Variants in SPTA1 observed in about 807,000 individuals in gnomAD.
SPTA1 encodes the protein spectrin alpha, erythrocytic 1.
In SPTA1, 177 loss-of-function variants were observed where a neutral mutation model predicts 324.7. The ratio of observed to expected loss-of-function variants is 0.55; its 90% CI spans 0.48 to 0.62. The LOEUF is 0.62. SPTA1 is among the 20% of genes least tolerant of loss of function. The pLI is 0.00. For synonymous variants in SPTA1, 1,195 were observed against 1,041.3 expected (o/e 1.15, Z -2.84); for missense variants, 3,162 against 2,883.6 (o/e 1.10, Z -2.21).
Position 158,615,081 on chromosome 1 carries a change from G to A in SPTA1, c.6788+135C>T, listed in dbSNP as rs1294977423. Reference sequence around the variant, plus strand: ...ATAAAGAGAAATAGTCATTCCGTGGGGCAGTAAAGACCCAGAATATTGGTT... The same window carrying A: ...ATAAAGAGAAATAGTCATTCCGTGGAGCAGTAAAGACCCAGAATATTGGTT... On this transcript the variant is annotated intron_variant, in intron 48 of 51. Coordinates refer to ENST00000643759, the MANE Select transcript of SPTA1 (RefSeq NM_003126.4). The A allele has an allele frequency of 4.4e-6, 4 of 901,148 alleles. No homozygotes were observed. The African/African-American group carries it at 4.9e-5, about 11-fold the overall frequency. The allele number at this position is 901,148 out of a possible 1,614,324, so 55.8% of individuals were successfully genotyped here. A position where few individuals can be genotyped will look rare whatever the true frequency, so the allele number is the denominator to read the frequency against.
At position 158,644,241 on chromosome 1, in the gene SPTA1, A is replaced by G. The variant is rs769113194; in HGVS notation, c.4338+12T>C. The stretch of plus-strand genomic sequence containing the variant: ...GGATTATTATTTTAATTCCTTTACT[A>G]GTCATTATTACCTGGGCAGTGATTG... On this transcript the variant is annotated intron_variant, in intron 30 of 51. Coordinates refer to ENST00000643759, the MANE Select transcript of SPTA1 (RefSeq NM_003126.4). The G allele has an allele frequency of 2.5e-6, 4 of 1,613,416 alleles. No individual in the cohort carries two copies. In the African/African-American group the frequency reaches 5.3e-5, roughly 22 times the overall value.
chr1:158,661,141 C>A, intron 18 of SPTA1, 146 bp downstream of exon 18: 5 of 1,224,314 alleles, frequency 4.1e-6, no homozygotes, highest in Non-Finnish European at 6.0e-6. Flanking sequence ...ACCATATGCC[C>A]ATTTGTCAGA....
rs775074434 is a variant in SPTA1 at position 158,677,834 on chromosome 1, C to T, written c.813G>A (p.Arg271=). Residue 271 remains arginine, a splice_region_variant and synonymous_variant, in exon 7 of 52, where the codon AGG becomes AGA. Coordinates refer to ENST00000643759, the MANE Select transcript of SPTA1 (RefSeq NM_003126.4). The stretch of plus-strand genomic sequence containing the variant: ...TCCACTGGATGGCTTCAGTCACATC[C>T]CTGCAGTCATTAACAAGAGCTCCAA... ...SNAANLQRFK[R]DVTEAIQWIK... 1 of 1,613,504 alleles carries T rather than the reference C, an allele frequency of 6.2e-7. No homozygotes were observed. Among genetic ancestry groups the T allele is most frequent in the Non-Finnish European group, 8.5e-7 (1 of 1,179,656 alleles).
chr1:158,638,221 A>T lies in SPTA1; in HGVS notation c.5001T>A (p.Asn1667Lys), dbSNP rs1242984985. ...TGGAGAGCAAATCTTCAGCCAATGTATTCAGGTCCTTGAGTGCATCCTAGA... is the reference window on the plus strand; with the variant it reads ...TGGAGAGCAAATCTTCAGCCAATGTTTTCAGGTCCTTGAGTGCATCCTAGA... ...LAREDALKDLNTLAEDLLSSG... is the reference protein window; with the variant it reads ...LAREDALKDLKTLAEDLLSSG... Residue 1667 changes from asparagine (N) to lysine (K), a missense_variant, in exon 36 of 52, where the codon AAT (asparagine) becomes AAA (lysine). Physicochemically the swap from Asn to Lys is moderately conservative, Grantham distance 94. Coordinates refer to ENST00000643759, the MANE Select transcript of SPTA1 (RefSeq NM_003126.4). The T allele has an allele frequency of 1.2e-6, 2 of 1,613,014 alleles. No homozygotes were observed. Among genetic ancestry groups the T allele is most frequent in the Middle Eastern group, 1.7e-4 (1 of 6,058 alleles).
chr1:158,650,763 C>T (rs1571452053), intron 24 of SPTA1, among the ~76,000 whole-genome samples: 1 of 152,174 alleles, frequency 6.6e-6, no homozygotes, highest in East Asian at 1.9e-4. Flanking sequence ...GTATATATTC[C>T]AAAATTGCAG....
chr1:158,666,201 CTTA>C (rs1267388036), intron 16 of SPTA1, 112 bp downstream of exon 16: 18 of 997,936 alleles, frequency 1.8e-5, no homozygotes, highest in Admixed American at 6.0e-5. Context: ...ACACCCATTG[CTTA>C]TTATTACTTA....
rs770470404 is a variant in SPTA1, at chr1:158,648,572, A to G, written c.3651T>C (p.Ser1217=). The G allele has an allele frequency of 1.2e-6, 2 of 1,614,012 alleles. No individual in the cohort carries two copies. Among genetic ancestry groups the G allele is most frequent in the South Asian group, 2.2e-5 (2 of 91,066 alleles). The change falls in exon 26 of 52, where the codon AGT becomes AGC. Residue 1217 remains serine, a synonymous_variant. Coordinates refer to ENST00000643759, the MANE Select transcript of SPTA1 (RefSeq NM_003126.4). Reference sequence around the variant, plus strand: ...CATGCCGTCGCTGAAGAGCCTGAACACTGAACAGATCTGAGCCAGGGTCTG... The same window carrying G: ...CATGCCGTCGCTGAAGAGCCTGAACGCTGAACAGATCTGAGCCAGGGTCTG... ...SAADPGSDLF[S]VQALQRRHEG... is the part of the protein sequence containing the mutation.
intron 18 of SPTA1, among the ~76,000 whole-genome samples, chr1:158,658,120 C>A (rs1003556214): frequency 1.3e-5 from 2 of 152,102 alleles, no homozygotes; most frequent in African/African-American, 2.4e-5. Flanking sequence ...GATTTTCAGA[C>A]AATGGAGAGA....
Position 158,647,675 on chromosome 1 carries a change from G to A in SPTA1, c.3760C>T (p.Pro1254Ser), listed in dbSNP as rs1571443325. The change falls in exon 27 of 52, where the codon CCA becomes TCA. Residue 1254 changes from proline to serine, a missense_variant. Coordinates refer to ENST00000643759, the MANE Select transcript of SPTA1 (RefSeq NM_003126.4). ...CTCTGCAGGTCCTCAGTGGCATCTG[G>A]ATGGGACTCACTGAGCCGCTCTGCT... ...ETAERLSESH[P>S]DATEDLQRQK... 3.1e-6 allele frequency: 5 copies of A among 1,613,900 alleles called. No homozygotes were observed. The highest frequency in any genetic ancestry group is 1.1e-5 in the South Asian group (1 of 91,072).
intron 10 of SPTA1, among the ~76,000 whole-genome samples, chr1:158,672,870 G>A (rs1213466086): frequency 1.3e-5 from 2 of 151,926 alleles, no homozygotes; most frequent in African/African-American, 4.8e-5. Flanking sequence ...GCCAAGGTGG[G>A]TGGATCACTT....
At chr1:158,683,262 G>T (rs1480065321) in intron 3 of SPTA1, 109 bp downstream of exon 3, 2 of 1,495,852 alleles carry the variant, frequency 1.3e-6, no homozygotes, top group Non-Finnish European at 1.8e-6. Flanking sequence ...TAAGAGGCAG[G>T]AGTCCTGGGT....
intron 27 of SPTA1, 82 bp downstream of exon 27, chr1:158,647,457 G>T: frequency 1.3e-6 from 2 of 1,556,980 alleles, no homozygotes; most frequent in Non-Finnish European, 1.8e-6. Context: ...TCCAAAACCA[G>T]CAGTGAACAG....
rs80264979 is a variant in SPTA1 at position 158,638,427 on chromosome 1, A to T, written c.4981-186T>A. On this transcript the variant is annotated intron_variant, in intron 35 of 51. Transcript: ENST00000643759. The stretch of plus-strand genomic sequence containing the variant: ...TGGAGAAGGGCCATATGTGGGAGCG[A>T]TAGAGGTAGCATGACTACATTACTC... 1.9e-3 allele frequency among the ~76,000 whole-genome samples: 294 copies of T among 152,320 alleles called. 9 individuals are homozygous for T. The East Asian group carries it at 0.051, about 26-fold the overall frequency.
At chr1:158,632,819 G>T (rs1445840626) in intron 39 of SPTA1, among the ~76,000 whole-genome samples, 1 of 151,380 alleles carries the variant, frequency 6.6e-6, no homozygotes, top group African/African-American at 2.4e-5. Context: ...CAGTGATTGG[G>T]GTCCTGTACA....
At chr1:158,612,238 TTGA>T (rs1188319162) in intron 51 of SPTA1, 1 of 158,730 alleles carries the variant, frequency 6.3e-6, no homozygotes, top group South Asian at 1.8e-4. Context: ...CTTTGATGAC[TTGA>T]TGAGTTCCTG....
chr1:158,614,208 T>C (rs770122602), intron 49 of SPTA1, 45 bp downstream of exon 49: 6 of 1,386,416 alleles, frequency 4.3e-6, no homozygotes, highest in Non-Finnish European at 6.2e-6. Context: ...TCATTCTGAA[T>C]AATCTGAAAA....
chr1:158,651,348 T>G lies in SPTA1; in HGVS notation c.3477+19A>C. 1 of 1,562,348 alleles carries G rather than the reference T, an allele frequency of 6.4e-7. No homozygotes were observed. Among genetic ancestry groups the G allele is most frequent in the Non-Finnish European group, 8.8e-7 (1 of 1,132,816 alleles). ...AGCCCAACCTGGTAGTGAGGAGGAA[T>G]GGAGGGAGCCTTAGTTACCTGCCGG... On this transcript the variant is annotated intron_variant, in intron 24 of 51. Coordinates refer to ENST00000643759, the MANE Select transcript of SPTA1 (RefSeq NM_003126.4).
intron 25 of SPTA1, among the ~76,000 whole-genome samples, chr1:158,649,481 C>A (rs139578575): frequency 3.3e-5 from 5 of 152,242 alleles, no homozygotes; most frequent in African/African-American, 1.2e-4. Flanking sequence ...GAGACAATGT[C>A]TTGCTTTGTT....
At chr1:158,620,686 T>C in intron 43 of SPTA1, 1 of 523,820 alleles carries the variant, frequency 1.9e-6, no homozygotes, top group South Asian at 3.0e-5. Flanking sequence ...TGTGAAATTG[T>C]TTAAGTCTTT....
Sources: allele counts gnomAD v4.1 joint callset (sites outside exome capture counted in the v4.1 genomes callset), GRCh38; gene constraint gnomAD v4.1.1; transcripts MANE v1.5; gene names NCBI Gene and HGNC (gene_info 2026-07-23, HGNC 2026-07-21).